Variants in DNAJC1 observed in about 807,000 individuals in gnomAD.
DNAJC1 encodes the protein dnaJ homolog subfamily C member 1.
Under a neutral mutation model 76.6 loss-of-function variants are expected in DNAJC1, and 58 were observed. The observed-to-expected ratio is 0.76, with a 90% confidence interval of 0.61 to 0.94. The LOEUF is 0.94. Among genes scored for constraint, DNAJC1 ranks in the 40% least tolerant of loss-of-function variants. DNAJC1 has a pLI of 0.00. For missense variants in DNAJC1, 689 were observed against 677.3 expected, an observed-to-expected ratio of 1.02 and a Z score of -0.19; for synonymous variants, 258 against 267.9, an observed-to-expected ratio of 0.96 and a Z score of 0.36.
intron 7 of DNAJC1, among the ~76,000 whole-genome samples, chr10:21,896,975 T>C (rs905858718): frequency 1.3e-5 from 2 of 152,164 alleles, no homozygotes; most frequent in Non-Finnish European, 2.9e-5. Flanking sequence ...CTCCGGAGGA[T>C]GTGCAACAAG....
chr10:21,824,068 G>C (rs1475555126), intron 8 of DNAJC1, among the ~76,000 whole-genome samples: 1 of 152,138 alleles, frequency 6.6e-6, no homozygotes, highest in Non-Finnish European at 1.5e-5. Flanking sequence ...TAATTATGTT[G>C]AATGAATGAC....
At position 21,866,197 on chromosome 10, in the gene DNAJC1, C is replaced by T. The variant is rs540665055; in HGVS notation, c.978+16085G>A. Among the ~76,000 whole-genome samples the T allele has an allele frequency of 2.0e-5, 3 of 148,838 alleles. No individual in the cohort carries two copies. The East Asian group carries it at 5.9e-4, about 29-fold the overall frequency. On this transcript the variant is annotated intron_variant, in intron 8 of 11. Transcript: ENST00000376980. ...TACAAAAGCAAAAAAATAAAAAACC[C>T]AAACAGTAATATGACAGATCTAAAG...
At chr10:21,892,591 G>C (rs539147201) in intron 7 of DNAJC1, among the ~76,000 whole-genome samples, 167 of 151,376 alleles carry the variant, frequency 1.1e-3, no homozygotes, top group African/African-American at 3.8e-3. Flanking sequence ...ATAAACACAT[G>C]GTTTTTCATC....
At chr10:21,861,126 T>C (rs1341448723) in intron 8 of DNAJC1, among the ~76,000 whole-genome samples, 1 of 152,012 alleles carries the variant, frequency 6.6e-6, no homozygotes, top group Non-Finnish European at 1.5e-5. Flanking sequence ...GGAGATAAAA[T>C]TAGCTCCTAA....
intron 8 of DNAJC1, among the ~76,000 whole-genome samples, chr10:21,811,579 T>C (rs1027424311): frequency 2.6e-5 from 4 of 152,222 alleles, no homozygotes; most frequent in Non-Finnish European, 4.4e-5. Context: ...ATTAAACTTT[T>C]AGTCTTTTAA....
At chr10:21,863,127 C>A (rs902794569) in intron 8 of DNAJC1, among the ~76,000 whole-genome samples, 1 of 151,674 alleles carries the variant, frequency 6.6e-6, no homozygotes, top group African/African-American at 2.4e-5. Context: ...AGTGAAACTC[C>A]GTCTCAGAAA....
intron 8 of DNAJC1, among the ~76,000 whole-genome samples, chr10:21,874,526 C>T (rs1277594592): frequency 6.6e-6 from 1 of 151,344 alleles, no homozygotes. Context: ...ATTAAAGGAG[C>T]AAAATATAAA....
intron 8 of DNAJC1, among the ~76,000 whole-genome samples, chr10:21,824,732 T>C (rs551076427): frequency 6.6e-6 from 1 of 152,328 alleles, no homozygotes; most frequent in South Asian, 2.1e-4. Flanking sequence ...TGGTAAATCA[T>C]ACATAACATA....
chr10:21,837,810 C>T (rs1346146842), intron 8 of DNAJC1, among the ~76,000 whole-genome samples: 4 of 139,958 alleles, frequency 2.9e-5, no homozygotes, highest in Non-Finnish European at 4.7e-5. Flanking sequence ...CCAGCCGCCC[C>T]GTCCGGGAGG....
At chr10:21,909,898 A>G (rs1836826465) in intron 6 of DNAJC1, among the ~76,000 whole-genome samples, 1 of 152,242 alleles carries the variant, frequency 6.6e-6, no homozygotes, top group Non-Finnish European at 1.5e-5. Flanking sequence ...AGTGACAGAC[A>G]TGAGGCATAT....
intron 8 of DNAJC1, among the ~76,000 whole-genome samples, chr10:21,809,615 T>C (rs1268617923): frequency 1.3e-5 from 2 of 151,710 alleles, no homozygotes; most frequent in Non-Finnish European, 2.9e-5. Flanking sequence ...ATATTAGATG[T>C]ATATATCTAA....
intron 9 of DNAJC1, among the ~76,000 whole-genome samples, chr10:21,801,359 A>T (rs896871483): frequency 2.0e-5 from 3 of 152,204 alleles, no homozygotes; most frequent in Non-Finnish European, 4.4e-5. Flanking sequence ...GAAGACATAC[A>T]TGCAGCCAAC....
intron 8 of DNAJC1, among the ~76,000 whole-genome samples, chr10:21,861,496 T>C (rs1373111460): frequency 2.0e-5 from 3 of 152,030 alleles, no homozygotes; most frequent in Non-Finnish European, 4.4e-5. Flanking sequence ...CCATCTTGAG[T>C]AGGGGCTGGA....
intron 8 of DNAJC1, among the ~76,000 whole-genome samples, chr10:21,812,587 A>G (rs2131646644): frequency 6.6e-6 from 1 of 151,948 alleles, no homozygotes; most frequent in South Asian, 2.1e-4. Flanking sequence ...TCCTTTTTAG[A>G]GACAGAGCCT....
chr10:21,862,824 C>G (rs988981205), intron 8 of DNAJC1, among the ~76,000 whole-genome samples: 1 of 151,946 alleles, frequency 6.6e-6, no homozygotes, highest in African/African-American at 2.4e-5. Context: ...AATCTTCCAC[C>G]TTAAGAAATT....
intron 7 of DNAJC1, among the ~76,000 whole-genome samples, chr10:21,885,133 A>T (rs1836349126): frequency 6.6e-6 from 1 of 152,148 alleles, no homozygotes; most frequent in Non-Finnish European, 1.5e-5. Context: ...TCTCACAAGT[A>T]ACGATGCCCT....
Position 21,936,263 on chromosome 10 carries a change from T to C in DNAJC1, c.223-7122A>G, listed in dbSNP as rs185931539. 2.5e-3 allele frequency among the ~76,000 whole-genome samples: 374 copies of C among 152,300 alleles called. 4 individuals are homozygous for C. The highest frequency in any genetic ancestry group is 4.0e-3 in the Non-Finnish European group (272 of 68,020). ...GGGCCCTCACCAGACAGTGAATATG[T>C]TGTACCTTGATCTTGGACTTCCCAG... On this transcript the variant is annotated intron_variant, in intron 1 of 11. Transcript: ENST00000376980.
chr10:21,980,849 C>T (rs1342872094), intron 1 of DNAJC1, among the ~76,000 whole-genome samples: 2 of 151,870 alleles, frequency 1.3e-5, no homozygotes, highest in African/African-American at 4.8e-5. Flanking sequence ...CACATATTTC[C>T]TTAGCCTTTC....
At chr10:21,935,220 T>G (rs116031280) in intron 1 of DNAJC1, among the ~76,000 whole-genome samples, 4 of 152,044 alleles carry the variant, frequency 2.6e-5, no homozygotes, top group Middle Eastern at 3.4e-3. Flanking sequence ...GCTTAAAGAG[T>G]ATGTTCAAAG....
Sources: gnomAD v4.1 joint callset for allele counts (sites outside exome capture counted in the v4.1 genomes callset) on GRCh38, gnomAD v4.1.1 for gene constraint, MANE v1.5 for transcripts, NCBI Gene and HGNC (gene_info 2026-07-23, HGNC 2026-07-21) for gene names.